The following CNTN5 variants were observed in gnomAD, a reference collection of about 807,000 sequenced individuals.
CNTN5 encodes the protein contactin-5.
Under a neutral mutation model 129.1 loss-of-function variants are expected in CNTN5, and 77 were observed. That is an observed-to-expected ratio of 0.60 (90% CI 0.50 to 0.72). The LOEUF (loss-of-function observed/expected upper bound fraction) is 0.72. Among genes scored for constraint, CNTN5 ranks in the 30% least tolerant of loss-of-function variants. The pLI is 0.00. For missense variants in CNTN5, 1,478 were observed against 1,328.8 expected (o/e 1.11, Z -1.75); for synonymous variants, 509 against 465.6 (o/e 1.09, Z -1.20).
intron 8 of CNTN5, among the ~76,000 whole-genome samples, chr11:99,973,501 C>G (rs1937718163): frequency 6.6e-6 from 1 of 152,048 alleles, no homozygotes. Context: ...CTTATCATGC[C>G]TTGCATTGCC....
At chr11:100,127,627 C>A (rs1946234548) in intron 13 of CNTN5, among the ~76,000 whole-genome samples, 1 of 146,436 alleles carries the variant, frequency 6.8e-6, no homozygotes, top group Admixed American at 6.8e-5. Context: ...GGTTCATAAA[C>A]AGACTTTCTG....
At chr11:99,790,708 A>G (rs1443023932) in intron 3 of CNTN5, among the ~76,000 whole-genome samples, 1 of 152,146 alleles carries the variant, frequency 6.6e-6, no homozygotes, top group African/African-American at 2.4e-5. Flanking sequence ...TTTCTAGGTC[A>G]CATGGTAATT....
At chr11:100,236,782 A>T (rs554074390) in intron 16 of CNTN5, among the ~76,000 whole-genome samples, 1 of 152,094 alleles carries the variant, frequency 6.6e-6, no homozygotes, top group South Asian at 2.1e-4. Flanking sequence ...CTTTCCCTAT[A>T]GTTTCTCTCA....
intron 6 of CNTN5, among the ~76,000 whole-genome samples, chr11:99,847,791 A>C (rs952854543): frequency 2.0e-5 from 3 of 152,188 alleles, no homozygotes; most frequent in African/African-American, 7.2e-5. Context: ...TTTGGGTGCT[A>C]TAGGATTCGG....
chr11:99,221,456 A>G (rs1485136593), intron 1 of CNTN5, among the ~76,000 whole-genome samples: 1 of 151,910 alleles, frequency 6.6e-6, no homozygotes, highest in Non-Finnish European at 1.5e-5. Context: ...AGATTTACAC[A>G]TAATGTTACA....
chr11:99,163,430 A>G (rs1860714633), intron 1 of CNTN5, among the ~76,000 whole-genome samples: 1 of 152,092 alleles, frequency 6.6e-6, no homozygotes, highest in African/African-American at 2.4e-5. Flanking sequence ...GTTTTCTCCA[A>G]TTATTTTAAT....
intron 7 of CNTN5, among the ~76,000 whole-genome samples, chr11:99,933,842 C>T (rs1397334703): frequency 6.6e-6 from 1 of 152,174 alleles, no homozygotes; most frequent in Non-Finnish European, 1.5e-5. Context: ...CAATTTTTGA[C>T]TATTATGAAT....
intron 13 of CNTN5, among the ~76,000 whole-genome samples, chr11:100,157,046 G>C (rs188959466): frequency 1.3e-5 from 2 of 152,030 alleles, no homozygotes; most frequent in Middle Eastern, 3.4e-3. Flanking sequence ...TTTTGAATTT[G>C]TTTGCTCTTG....
rs118060000 is a variant in CNTN5, at chr11:100,249,492, G to A, written c.2006-6268G>A. ...ATTTCCAAATACAGTATTTAATTTA[G>A]TGATCCTTTATAATAGCATTGTCCC... On this transcript the variant is annotated intron_variant, in intron 16 of 24. Coordinates refer to ENST00000524871, the MANE Select transcript of CNTN5 (RefSeq NM_014361.4). 1.1e-3 allele frequency among the ~76,000 whole-genome samples: 175 copies of A among 152,226 alleles called. 3 individuals carry two copies. The East Asian group carries it at 0.024, about 21-fold the overall frequency.
At chr11:99,438,981 G>A (rs1338062139) in intron 2 of CNTN5, among the ~76,000 whole-genome samples, 2 of 152,100 alleles carry the variant, frequency 1.3e-5, no homozygotes, top group African/African-American at 4.8e-5. Flanking sequence ...TCACACATAA[G>A]TTAAATAATT....
At chr11:99,685,915 A>C (rs1364480240) in intron 3 of CNTN5, among the ~76,000 whole-genome samples, 1 of 151,912 alleles carries the variant, frequency 6.6e-6, no homozygotes, top group Non-Finnish European at 1.5e-5. Flanking sequence ...TTTTTAAATA[A>C]TAATTACCTC....
intron 9 of CNTN5, among the ~76,000 whole-genome samples, chr11:100,010,447 T>C (rs1940459250): frequency 6.6e-6 from 1 of 152,008 alleles, no homozygotes; most frequent in African/African-American, 2.4e-5. Context: ...GGGAAAAAAC[T>C]TGAACTGTAT....
chr11:99,663,742 C>T (rs996538888), intron 3 of CNTN5, among the ~76,000 whole-genome samples: 1 of 152,130 alleles, frequency 6.6e-6, no homozygotes, highest in Non-Finnish European at 1.5e-5. Context: ...TAAGACGTGC[C>T]TGCTTCCCCT....
chr11:99,504,745 C>T (rs188471058), intron 2 of CNTN5, among the ~76,000 whole-genome samples: 2 of 152,244 alleles, frequency 1.3e-5, no homozygotes, highest in African/African-American at 2.4e-5. Context: ...AGATTCTTCA[C>T]TCTTTGAAAC....
chr11:99,917,951 C>T (rs971189219), intron 7 of CNTN5, among the ~76,000 whole-genome samples: 1 of 152,072 alleles, frequency 6.6e-6, no homozygotes, highest in Non-Finnish European at 1.5e-5. Flanking sequence ...AACTCATCTG[C>T]TTGACCAAGG....
intron 7 of CNTN5, among the ~76,000 whole-genome samples, chr11:99,918,617 A>G (rs1251952939): frequency 6.6e-6 from 1 of 152,158 alleles, no homozygotes; most frequent in African/African-American, 2.4e-5. Context: ...ATTTGTAGCC[A>G]TACACTCTGA....
intron 1 of CNTN5, among the ~76,000 whole-genome samples, chr11:99,248,379 T>G (rs1316267303): frequency 6.6e-6 from 1 of 152,224 alleles, no homozygotes; most frequent in East Asian, 1.9e-4. Context: ...GTCAGATGAC[T>G]AGATTGCAAA....
intron 3 of CNTN5, among the ~76,000 whole-genome samples, chr11:99,813,076 A>T (rs1469667181): frequency 6.6e-6 from 1 of 152,118 alleles, no homozygotes; most frequent in Non-Finnish European, 1.5e-5. Context: ...GTCAGGTATC[A>T]TTTGTGGTTT....
chr11:99,989,959 G>T (rs925245413), intron 8 of CNTN5, among the ~76,000 whole-genome samples: 3 of 152,082 alleles, frequency 2.0e-5, no homozygotes, highest in Non-Finnish European at 4.4e-5. Context: ...TAGAGACGGG[G>T]TTTCACCGTG....
Sources: gnomAD v4.1 joint callset for allele counts (sites outside exome capture counted in the v4.1 genomes callset) on GRCh38, gnomAD v4.1.1 for gene constraint, MANE v1.5 for transcripts, NCBI Gene and HGNC (gene_info 2026-07-23, HGNC 2026-07-21) for gene names.